Variants in CSNK2A2IP observed in about 807,000 individuals in gnomAD.
The protein encoded by CSNK2A2IP is casein kinase 2 subunit alpha' interacting protein, also known as casein kinase II subunit alpha'-interacting protein.
At chr3:88,386,982 C>T in the CSNK2A2IP span, among the ~76,000 whole-genome samples, 1 of 152,144 alleles carries the variant, frequency 6.6e-6, no homozygotes, top group Admixed American at 6.5e-5. Flanking sequence ...AAAGTGAAAT[C>T]TTCCACCAAT....
At chr3:88,387,225 G>A in the CSNK2A2IP span, among the ~76,000 whole-genome samples, 1 of 149,230 alleles carries the variant, frequency 6.7e-6, no homozygotes, top group Non-Finnish European at 1.5e-5. Context: ...GCAGTTTCAG[G>A]ATCTTGGCTC....
At chr3:88,360,398 G>T in the CSNK2A2IP span, among the ~76,000 whole-genome samples, 7 of 152,248 alleles carry the variant, frequency 4.6e-5, no homozygotes, top group East Asian at 7.8e-4. Context: ...CTCCCAAAGT[G>T]CTGGGATTAT....
At chr3:88,454,119 A>T in the CSNK2A2IP span, among the ~76,000 whole-genome samples, 17 of 151,978 alleles carry the variant, frequency 1.1e-4, no homozygotes, top group Non-Finnish European at 2.9e-5. Context: ...TTTAAATTTT[A>T]GTTATTCAAG....
the CSNK2A2IP span, among the ~76,000 whole-genome samples, chr3:88,453,511 A>C: frequency 4.6e-5 from 7 of 152,240 alleles, no homozygotes; most frequent in African/African-American, 1.7e-4. Flanking sequence ...GATATTTAAG[A>C]CATCTATACA....
At chr3:88,438,850 C>T in the CSNK2A2IP span, among the ~76,000 whole-genome samples, 2 of 152,032 alleles carry the variant, frequency 1.3e-5, no homozygotes, top group Non-Finnish European at 2.9e-5. Context: ...GAGTGTTGGT[C>T]GTGAACCTTA....
chr3:88,465,201 A>G, the CSNK2A2IP span: 1 of 423,018 alleles, frequency 2.4e-6, no homozygotes, highest in African/African-American at 2.0e-5. Context: ...GGAATAGTCT[A>G]TAATATTTGA....
chr3:88,434,715 T>C, the CSNK2A2IP span, among the ~76,000 whole-genome samples: 12,720 of 152,176 alleles, frequency 0.084, 937 homozygotes, highest in Admixed American at 0.24. Context: ...TATTTCAAGG[T>C]AGAGTCAGGA....
chr3:88,435,180 ATTG>A, the CSNK2A2IP span, among the ~76,000 whole-genome samples: 1 of 152,026 alleles, frequency 6.6e-6, no homozygotes, highest in Non-Finnish European at 1.5e-5. Flanking sequence ...TATTCCCCAT[ATTG>A]TTGAAGTATC....
At chr3:88,342,389 T>C in the CSNK2A2IP span, among the ~76,000 whole-genome samples, 1 of 151,982 alleles carries the variant, frequency 6.6e-6, no homozygotes, top group Admixed American at 6.6e-5. Flanking sequence ...TTGAACCATG[T>C]TCAAATAAGG....
chr3:88,441,744 CT>C, the CSNK2A2IP span, among the ~76,000 whole-genome samples: 2 of 151,984 alleles, frequency 1.3e-5, no homozygotes, highest in African/African-American at 4.8e-5. Flanking sequence ...TAAAGTCTTC[CT>C]TTTTTATTCA....
At chr3:88,466,849 T>G in the CSNK2A2IP span, 1 of 1,058,914 alleles carries the variant, frequency 9.4e-7, no homozygotes, top group Non-Finnish European at 1.2e-6. Flanking sequence ...AAATCCTCAT[T>G]GTGCAACACT....
At chr3:88,382,261 T>C in the CSNK2A2IP span, among the ~76,000 whole-genome samples, 1 of 152,192 alleles carries the variant, frequency 6.6e-6, no homozygotes, top group African/African-American at 2.4e-5. Flanking sequence ...GGTACAATCC[T>C]CTATAGTCAG....
At chr3:88,463,198 G>A in the CSNK2A2IP span, among the ~76,000 whole-genome samples, 1 of 151,816 alleles carries the variant, frequency 6.6e-6, no homozygotes, top group Non-Finnish European at 1.5e-5. Flanking sequence ...ATTCTTCCAG[G>A]GCCTCAGGCC....
At chr3:88,445,878 T>A in the CSNK2A2IP span, among the ~76,000 whole-genome samples, 11 of 151,738 alleles carry the variant, frequency 7.2e-5, no homozygotes, top group Non-Finnish European at 1.6e-4. Flanking sequence ...ATTTTAATGG[T>A]TTCTTTCTTT....
chr3:88,359,115 G>A, the CSNK2A2IP span, among the ~76,000 whole-genome samples: 37 of 151,132 alleles, frequency 2.4e-4, no homozygotes, highest in East Asian at 9.7e-4. Context: ...TTTCAGATTC[G>A]TATTTTTCAT....
the CSNK2A2IP span, among the ~76,000 whole-genome samples, chr3:88,360,517 A>G: frequency 2.0e-5 from 3 of 152,236 alleles, no homozygotes; most frequent in African/African-American, 7.2e-5. Flanking sequence ...TGCATAGAAC[A>G]TCTTTTTCCA....
chr3:88,365,206 CA>C, the CSNK2A2IP span, among the ~76,000 whole-genome samples: 5 of 152,090 alleles, frequency 3.3e-5, no homozygotes, highest in African/African-American at 4.8e-5. Flanking sequence ...GGTCAGAAAG[CA>C]GAACATTACT....
the CSNK2A2IP span, among the ~76,000 whole-genome samples, chr3:88,459,024 T>TA: frequency 1.3e-5 from 2 of 152,194 alleles, no homozygotes; most frequent in East Asian, 1.9e-4. Flanking sequence ...TGTATACCCT[T>TA]ACTGATTTCC....
chr3:88,385,004 G>A, the CSNK2A2IP span, among the ~76,000 whole-genome samples: 5 of 152,186 alleles, frequency 3.3e-5, no homozygotes, highest in African/African-American at 9.7e-5. Flanking sequence ...CATCCAAGTT[G>A]GAGATATGAA....
Sources: gnomAD v4.1 joint callset for allele counts (sites outside exome capture counted in the v4.1 genomes callset) on GRCh38, gnomAD v4.1.1 for gene constraint, MANE v1.5 for transcripts, NCBI Gene and HGNC (gene_info 2026-07-23, HGNC 2026-07-21) for gene names.